SPMAP2L: variants seen among roughly 807,000 people sequenced by gnomAD.
SPMAP2L encodes the protein sperm microtubule associated protein 2-like.
the SPMAP2L span, among the ~76,000 whole-genome samples, chr4:56,559,717 A>T: frequency 6.6e-6 from 1 of 151,954 alleles, no homozygotes; most frequent in Non-Finnish European, 1.5e-5. Flanking sequence ...ACAGTCACAC[A>T]CCACCACACC....
At chr4:56,601,296 T>A in the SPMAP2L span, among the ~76,000 whole-genome samples, 1 of 152,120 alleles carries the variant, frequency 6.6e-6, no homozygotes, top group Non-Finnish European at 1.5e-5. Flanking sequence ...ATAAGGCTAC[T>A]GTTAAAAGGT....
chr4:56,536,609 C>T, the SPMAP2L span, among the ~76,000 whole-genome samples: 4 of 152,128 alleles, frequency 2.6e-5, no homozygotes, highest in East Asian at 1.9e-4. Flanking sequence ...TTCATTTGAC[C>T]GCTGTGTTAC....
At chr4:56,576,639 G>T in the SPMAP2L span, among the ~76,000 whole-genome samples, 1 of 152,186 alleles carries the variant, frequency 6.6e-6, no homozygotes, top group Non-Finnish European at 1.5e-5. Context: ...TAGACAGCTT[G>T]AGTCTTTTGC....
At chr4:56,594,464 T>C in the SPMAP2L span, 1 of 1,606,236 alleles carries the variant, frequency 6.2e-7, no homozygotes, top group Non-Finnish European at 8.5e-7. Flanking sequence ...GAAGGATTTG[T>C]GTGAACTCAC....
the SPMAP2L span, among the ~76,000 whole-genome samples, chr4:56,577,272 G>A: frequency 1.3e-5 from 2 of 152,252 alleles, no homozygotes; most frequent in South Asian, 4.1e-4. Flanking sequence ...AGGTGTGGTG[G>A]CTCATGCCTG....
At chr4:56,586,476 G>A in the SPMAP2L span, among the ~76,000 whole-genome samples, 22 of 152,234 alleles carry the variant, frequency 1.4e-4, 1 homozygote, top group East Asian at 2.1e-3. Context: ...ACTACCCAAA[G>A]TGCCCCACCT....
chr4:56,587,979 T>G, the SPMAP2L span, among the ~76,000 whole-genome samples: 1 of 152,192 alleles, frequency 6.6e-6, no homozygotes, highest in African/African-American at 2.4e-5. Flanking sequence ...CACCAACATC[T>G]ACTGTTTTCG....
chr4:56,537,817 C>G, the SPMAP2L span, among the ~76,000 whole-genome samples: 6 of 151,960 alleles, frequency 3.9e-5, no homozygotes, highest in Non-Finnish European at 8.8e-5. Context: ...TTCAGCCTCC[C>G]GAGTAGCTGG....
chr4:56,599,658 G>A, the SPMAP2L span, among the ~76,000 whole-genome samples: 1 of 152,118 alleles, frequency 6.6e-6, no homozygotes. Flanking sequence ...GAAGTGTTTG[G>A]TTTTCTGTTC....
chr4:56,540,222 T>C, the SPMAP2L span, among the ~76,000 whole-genome samples: 1 of 152,196 alleles, frequency 6.6e-6, no homozygotes, highest in Admixed American at 6.5e-5. Context: ...GTTGTCTCCA[T>C]GCATATAGTG....
chr4:56,612,437 G>T, the SPMAP2L span, among the ~76,000 whole-genome samples: 1 of 151,984 alleles, frequency 6.6e-6, no homozygotes, highest in Admixed American at 6.6e-5. Flanking sequence ...TGCCTCCCGA[G>T]TTCAAGCGAT....
the SPMAP2L span, among the ~76,000 whole-genome samples, chr4:56,543,132 G>A: frequency 6.6e-6 from 1 of 150,608 alleles, no homozygotes; most frequent in East Asian, 2.0e-4. Flanking sequence ...TCTCCAGGCT[G>A]GAGTGCAGGG....
chr4:56,532,200 T>A, the SPMAP2L span, among the ~76,000 whole-genome samples: 19 of 150,852 alleles, frequency 1.3e-4, no homozygotes, highest in Admixed American at 2.6e-4. Context: ...TCCTCTAAAC[T>A]TCACACCTTT....
the SPMAP2L span, among the ~76,000 whole-genome samples, chr4:56,583,702 A>G: frequency 3.3e-5 from 5 of 152,208 alleles, no homozygotes; most frequent in Admixed American, 2.6e-4. Context: ...GAGACTGGCC[A>G]TTGCAGAGGG....
the SPMAP2L span, among the ~76,000 whole-genome samples, chr4:56,597,657 G>A: frequency 6.6e-6 from 1 of 152,130 alleles, no homozygotes; most frequent in East Asian, 1.9e-4. Flanking sequence ...TGTAAAAATG[G>A]AAGTAATGGA....
the SPMAP2L span, among the ~76,000 whole-genome samples, chr4:56,606,849 A>G: frequency 6.6e-6 from 1 of 152,138 alleles, no homozygotes; most frequent in Non-Finnish European, 1.5e-5. Flanking sequence ...AGTTCTGACA[A>G]ATAAATTGGG....
At chr4:56,602,160 C>A in the SPMAP2L span, among the ~76,000 whole-genome samples, 1 of 151,948 alleles carries the variant, frequency 6.6e-6, no homozygotes, top group African/African-American at 2.4e-5. Context: ...TTTTTGGAGG[C>A]CTCTTAACTT....
At chr4:56,551,341 T>C in the SPMAP2L span, among the ~76,000 whole-genome samples, 2 of 152,148 alleles carry the variant, frequency 1.3e-5, no homozygotes, top group African/African-American at 4.8e-5. Context: ...GGAGAGAGAA[T>C]TGGTCCCTTC....
chr4:56,561,934 G>A, the SPMAP2L span, among the ~76,000 whole-genome samples: 11,734 of 152,162 alleles, frequency 0.077, 510 homozygotes, highest in Admixed American at 0.1. Flanking sequence ...ATGTTGGCCA[G>A]GCTGGTCTTG....
Sources: allele counts gnomAD v4.1 joint callset (sites outside exome capture counted in the v4.1 genomes callset), GRCh38; gene constraint gnomAD v4.1.1; transcripts MANE v1.5; gene names NCBI Gene and HGNC (gene_info 2026-07-23, HGNC 2026-07-21).